The following SEPTIN9 variants were observed in gnomAD, a reference collection of about 807,000 sequenced individuals.
The protein encoded by SEPTIN9 is septin 9.
Under a neutral mutation model 56.6 loss-of-function variants are expected in SEPTIN9, and 13 were observed. The ratio of observed to expected loss-of-function variants is 0.23; its 90% CI spans 0.15 to 0.37. The LOEUF is 0.37. SEPTIN9 is among the 10% of genes least tolerant of loss of function. The pLI is 1.00. For synonymous variants in SEPTIN9, 332 were observed against 334.1 expected (o/e 0.99, Z 0.07); for missense variants, 650 against 823.1 (o/e 0.79, Z 2.57).
intron 3 of SEPTIN9, among the ~76,000 whole-genome samples, chr17:77,414,261 A>T (rs572913521): frequency 4.0e-4 from 61 of 151,872 alleles, no homozygotes; most frequent in Admixed American, 7.9e-4. Context: ...TATTTTTAGT[A>T]GAGACGGGGT....
chr17:77,360,603 C>T (rs907821726), intron 2 of SEPTIN9, among the ~76,000 whole-genome samples: 3 of 149,638 alleles, frequency 2.0e-5, no homozygotes, highest in Admixed American at 2.0e-4. Context: ...CTCGCTCTGT[C>T]GCCCAGGCTG....
At chr17:77,290,412 C>A (rs1598469197) in intron 1 of SEPTIN9, among the ~76,000 whole-genome samples, 3 of 151,920 alleles carry the variant, frequency 2.0e-5, no homozygotes, top group East Asian at 2.0e-4. Context: ...CACCCGCCCC[C>A]ACGCCCGGCT....
chr17:77,329,739 T>C lies in SEPTIN9; in HGVS notation c.76+22542T>C, dbSNP rs1054760572. Among the ~76,000 whole-genome samples the C allele has an allele frequency of 1.3e-5, 2 of 152,172 alleles. No individual in the cohort carries two copies. The highest frequency in any genetic ancestry group is 2.9e-5 in the Non-Finnish European group (2 of 68,030). ...ACTGCTGTCCACCGTCCCACCATCC[T>C]TCAGGTTTCTTCCCAGCCTCTGACT... On this transcript the variant is annotated intron_variant, in intron 2 of 11. Coordinates refer to ENST00000427177, the MANE Select transcript of SEPTIN9 (RefSeq NM_001113491.2). The surrounding 1 kb of genome is among the most constrained non-coding windows in gnomAD (Gnocchi z 4.3).
chr17:77,382,401 G>C (rs544701410), intron 2 of SEPTIN9, among the ~76,000 whole-genome samples: 10 of 152,348 alleles, frequency 6.6e-5, no homozygotes, highest in African/African-American at 2.2e-4. Context: ...AGCTGCCCTC[G>C]GCACTCAGGT....
Position 77,405,192 on chromosome 17 carries a change from C to T in SEPTIN9, c.721+2489C>T. ...AAGAACATTCTCCTCCAGGGGCAGA[C>T]ACAGTTTAGCCCCTAAATTGTGCCA... On this transcript the variant is annotated intron_variant, in intron 3 of 11. Transcript: ENST00000427177. The surrounding 1 kb of genome is among the most constrained non-coding windows in gnomAD (Gnocchi z 5.8). The T allele has an allele frequency of 6.9e-7, 1 of 1,443,482 alleles. No individual in the cohort carries two copies. The highest frequency in any genetic ancestry group is 1.2e-5 in the South Asian group (1 of 81,694). 89.4% of individuals were successfully genotyped at this position (1,443,482 alleles called of 1,614,324 possible). A position where few individuals can be genotyped will look rare whatever the true frequency, so the allele number is the denominator to read the frequency against.
rs1275132289 is a variant in SEPTIN9 at position 77,317,253 on chromosome 17, ATC to A, written c.76+10057_76+10058del. 6.6e-6 allele frequency among the ~76,000 whole-genome samples: 1 copy of A among 151,858 alleles called. No individual in the cohort carries two copies. Among genetic ancestry groups the A allele is most frequent in the Non-Finnish European group, 1.5e-5 (1 of 67,942 alleles). On this transcript the variant is annotated intron_variant, in intron 2 of 11. Transcript: ENST00000427177. The surrounding 1 kb of genome is among the most constrained non-coding windows in gnomAD (Gnocchi z 4.2). ...CCGAGATCAGGGTCACCAGGCTGAA[ATC>A]AGGGTGTCCACTGGGCATAGCCCTC... is the stretch of plus-strand genomic sequence containing the variant.
At chr17:77,359,966 A>T (rs994665919) in intron 2 of SEPTIN9, among the ~76,000 whole-genome samples, 2 of 152,004 alleles carry the variant, frequency 1.3e-5, no homozygotes, top group African/African-American at 4.8e-5. Context: ...GGAGTTTGAG[A>T]CTAGCCTGGC....
At chr17:77,352,593 C>T (rs11655079) in intron 2 of SEPTIN9, among the ~76,000 whole-genome samples, 40,769 of 151,948 alleles carry the variant, frequency 0.27, 5,801 homozygotes, top group African/African-American at 0.31. Context: ...GCTTGCAGCT[C>T]GGCCTACCCC....
intron 2 of SEPTIN9, among the ~76,000 whole-genome samples, chr17:77,391,108 C>T (rs1389742005): frequency 2.0e-5 from 3 of 152,130 alleles, no homozygotes; most frequent in African/African-American, 7.2e-5. Context: ...GGCAGTGGGG[C>T]GAGGCTGCCT....
At chr17:77,455,471 A>T (rs1459291166) in intron 3 of SEPTIN9, among the ~76,000 whole-genome samples, 2 of 152,224 alleles carry the variant, frequency 1.3e-5, no homozygotes, top group African/African-American at 4.8e-5. Context: ...CTGAACAGTC[A>T]TCCTTGCTGG....
chr17:77,324,818 A>ATTT (rs1469952875), intron 2 of SEPTIN9, among the ~76,000 whole-genome samples: 1 of 56,336 alleles, frequency 1.8e-5, no homozygotes, highest in Non-Finnish European at 3.2e-5. Flanking sequence ...TTTGATATGC[A>ATTT]ATTTTTTTTT....
At chr17:77,381,190 G>A (rs993089198) in intron 2 of SEPTIN9, among the ~76,000 whole-genome samples, 4 of 152,202 alleles carry the variant, frequency 2.6e-5, no homozygotes, top group African/African-American at 9.6e-5. Context: ...CCCCCTTCCT[G>A]TATCCAGGAG....
intron 4 of SEPTIN9, among the ~76,000 whole-genome samples, chr17:77,485,755 G>T (rs1211401831): frequency 6.6e-6 from 1 of 152,016 alleles, no homozygotes; most frequent in African/African-American, 2.4e-5. Context: ...GGGATTCCCA[G>T]CACCAGCCTC....
intron 1 of SEPTIN9, among the ~76,000 whole-genome samples, chr17:77,298,582 G>A (rs1312088919): frequency 6.6e-6 from 1 of 152,188 alleles, no homozygotes; most frequent in Admixed American, 6.5e-5. Context: ...TTTCCTGTTG[G>A]TTCTCTCGGC....
chr17:77,451,574 G>A lies in SEPTIN9; in HGVS notation c.722-30570G>A, dbSNP rs944514844. ...CTTCCCAGCCTTGCACCACTGGCTC[G>A]GGGGCTCTCAGGTGGCGCGGCCGCG... On this transcript the variant is annotated intron_variant, in intron 3 of 11. Coordinates refer to ENST00000427177, the MANE Select transcript of SEPTIN9 (RefSeq NM_001113491.2). This position sits in a 1 kb window ranked among gnomAD's most constrained non-coding sequence, Gnocchi z 4.2. 3.0e-6 allele frequency: 3 copies of A among 984,424 alleles called. No individual in the cohort carries two copies. Among genetic ancestry groups the A allele is most frequent in the African/African-American group, 1.7e-5 (1 of 57,352 alleles). The allele number at this position is 984,424 out of a possible 1,614,324, so 61.0% of individuals were successfully genotyped here.
chr17:77,296,353 A>G (rs1454737711), intron 1 of SEPTIN9, among the ~76,000 whole-genome samples: 2 of 152,232 alleles, frequency 1.3e-5, no homozygotes, highest in Non-Finnish European at 2.9e-5. Context: ...GGATGGATGG[A>G]TGGCTAGATA....
chr17:77,429,281 G>A lies in SEPTIN9; in HGVS notation c.721+26578G>A. On this transcript the variant is annotated intron_variant, in intron 3 of 11. Transcript: ENST00000427177. The surrounding 1 kb of genome is among the most constrained non-coding windows in gnomAD (Gnocchi z 5.2). ...TTGATCTGACCGTAATTTTGATGGTGCCGATGCCGTCAGCACGCAGGCCTC... is the reference window on the plus strand; with the variant it reads ...TTGATCTGACCGTAATTTTGATGGTACCGATGCCGTCAGCACGCAGGCCTC... 1 of 471,238 alleles carries A rather than the reference G, an allele frequency of 2.1e-6. No homozygotes were observed. Among genetic ancestry groups the A allele is most frequent in the Non-Finnish European group, 4.4e-6 (1 of 227,164 alleles). The allele number at this position is 471,238 out of a possible 1,614,324, so 29.2% of individuals were successfully genotyped here.
intron 3 of SEPTIN9, among the ~76,000 whole-genome samples, chr17:77,459,113 C>T (rs1253891938): frequency 6.6e-6 from 1 of 152,242 alleles, no homozygotes; most frequent in Non-Finnish European, 1.5e-5. Flanking sequence ...ACCTGCTCCT[C>T]AGGCCCCCTG....
Position 77,437,541 on chromosome 17 carries a change from A to C in SEPTIN9, c.721+34838A>C, listed in dbSNP as rs1219473791. ...ACCTCGAGAGGTCAGGAGGCTGCTC[A>C]AGACCTTCTGCCCCTCAGGGACCAG... On this transcript the variant is annotated intron_variant, in intron 3 of 11. Transcript: ENST00000427177. The surrounding 1 kb of genome is among the most constrained non-coding windows in gnomAD (Gnocchi z 5.3). 2.0e-5 allele frequency among the ~76,000 whole-genome samples: 3 copies of C among 151,930 alleles called. No homozygotes were observed. The highest frequency in any genetic ancestry group is 2.9e-5 in the Non-Finnish European group (2 of 67,956).
Sources: gnomAD v4.1 joint callset for allele counts (sites outside exome capture counted in the v4.1 genomes callset) on GRCh38, gnomAD v4.1.1 for gene constraint, Gnocchi (gnomAD v3.1) non-coding constraint, MANE v1.5 for transcripts, NCBI Gene and HGNC (gene_info 2026-07-23, HGNC 2026-07-21) for gene names.